The following FGF22 variants were observed in gnomAD, a reference collection of about 807,000 sequenced individuals.
FGF22 encodes the protein fibroblast growth factor 22, also known as FGF-22.
Under a neutral mutation model 10.3 loss-of-function variants are expected in FGF22, and 11 were observed. The observed-to-expected ratio is 1.07, with a 90% CI of 0.67 to 1.77. The LOEUF (loss-of-function observed/expected upper bound fraction) is 1.77, where lower values mean the gene tolerates loss of function less well. Ranked by LOEUF, FGF22 falls within the 40% of genes most tolerant of loss-of-function variation. The pLI is 0.00. For synonymous variants in FGF22, 136 were observed against 122.1 expected (o/e 1.11, Z -0.75); for missense variants, 317 against 273.2 (o/e 1.16, Z -1.13).
exon 1 of FGF22, chr19:639,973 G>C: frequency 1.6e-6 from 2 of 1,261,504 alleles, no homozygotes; most frequent in Middle Eastern, 3.1e-4. Flanking sequence ...TGCTGGCGCG[G>C]GCGCCGGACG....
At chr19:643,864 AG>A (rs938642063) in exon 3 of FGF22, 7 of 235,574 alleles carry the variant, frequency 3.0e-5, no homozygotes, top group African/African-American at 2.1e-4. Flanking sequence ...CGAAAGGTCG[AG>A]GGGGACGTCC....
intron 1 of FGF22, chr19:641,377 C>G (rs903706736): frequency 2.4e-6 from 1 of 420,990 alleles, no homozygotes; most frequent in African/African-American, 2.0e-5. Context: ...GAGATCGAGA[C>G]CATCCCGGCT....
At chr19:639,975 C>T in exon 1 of FGF22, 1 of 1,261,992 alleles carries the variant, frequency 7.9e-7, no homozygotes, top group Non-Finnish European at 9.9e-7. Context: ...CTGGCGCGGG[C>T]GCCGGACGCC....
At chr19:640,401 A>C in intron 1 of FGF22, 1 of 323,492 alleles carries the variant, frequency 3.1e-6, no homozygotes. Flanking sequence ...GGGGCCACCC[A>C]TCTGCAGGTG....
intron 1 of FGF22, chr19:641,682 G>T: frequency 5.3e-6 from 1 of 189,286 alleles, no homozygotes; most frequent in Non-Finnish European, 1.1e-5. Context: ...GGGAGGGGAG[G>T]TGCAGGGCGA....
chr19:643,238 T>A, exon 2 of FGF22: 1 of 1,607,288 alleles, frequency 6.2e-7, no homozygotes, highest in South Asian at 1.1e-5. Flanking sequence ...CCCCCAGGCA[T>A]CCTGGAGATC....
At chr19:640,305 G>A (rs1282578044) in intron 1 of FGF22, 166 bp downstream of exon 1, 8 of 425,688 alleles carry the variant, frequency 1.9e-5, no homozygotes, top group Non-Finnish European at 2.8e-5. Context: ...CTGCCTGGTG[G>A]GAGGGTTGCA....
At chr19:641,394 G>A (rs1985895942) in intron 1 of FGF22, 1 of 388,518 alleles carries the variant, frequency 2.6e-6, no homozygotes, top group Admixed American at 2.9e-5. Context: ...GGCTAACACG[G>A]TGAAACCCCG....
chr19:642,995 G>A (rs897475625), intron 1 of FGF22, among the ~76,000 whole-genome samples: 2 of 151,996 alleles, frequency 1.3e-5, no homozygotes, highest in African/African-American at 2.4e-5. Flanking sequence ...CGTGGGGGCC[G>A]TCCTGCTTCC....
chr19:639,994 C>A, exon 1 of FGF22: 1 of 1,300,228 alleles, frequency 7.7e-7, no homozygotes, highest in Non-Finnish European at 9.7e-7. Context: ...CCGCGGGAAC[C>A]CCGAGCGCGT....
At chr19:639,888 C>T in exon 1 of FGF22, 3 of 1,180,188 alleles carry the variant, frequency 2.5e-6, no homozygotes, top group Non-Finnish European at 3.1e-6. Flanking sequence ...CGCGGACGCC[C>T]GGGAGCGACG....
intron 1 of FGF22, chr19:641,574 C>CAAAA (rs68071125): frequency 5.3e-5 from 5 of 94,642 alleles, no homozygotes; most frequent in East Asian, 2.8e-4. Flanking sequence ...GACTCCGTCT[C>CAAAA]AAAAAAAAAA....
At chr19:642,046 G>A (rs1274982225) in intron 1 of FGF22, among the ~76,000 whole-genome samples, 1 of 152,214 alleles carries the variant, frequency 6.6e-6, no homozygotes, top group South Asian at 2.1e-4. Context: ...GTGGGCTGCT[G>A]AGCGGGCTTG....
In FGF22 at chr19:643,433, G is replaced by T. The variant is rs1405224576; in HGVS notation, c.342G>T (p.Arg114Ser). Residue 114 changes from arginine (R) to serine (S), a missense_variant, in exon 3 of 3, where the codon AGG becomes AGT. Transcript: ENST00000215530. ...AGCGACTCTACACCGTGGACTGCAGGTTCCGGGAGCGCATCGAAGAGAACG... is the reference window on the plus strand; with the variant it reads ...AGCGACTCTACACCGTGGACTGCAGTTTCCGGGAGCGCATCGAAGAGAACG... 2.5e-6 allele frequency: 4 copies of T among 1,611,432 alleles called. No individual in the cohort carries two copies. In the Admixed American group the frequency reaches 6.7e-5, roughly 27 times the overall value.
intron 1 of FGF22, chr19:640,351 CAG>C (rs1985861474): frequency 5.3e-6 from 2 of 377,408 alleles, no homozygotes; most frequent in East Asian, 3.9e-5. Context: ...GGACCCGGCT[CAG>C]GGGCAGAGAA....
chr19:644,307 C>G (rs1183599079), exon 3 of FGF22: 1 of 152,334 alleles, frequency 6.6e-6, no homozygotes, highest in Non-Finnish European at 1.5e-5. Flanking sequence ...TTGATATGAG[C>G]CCAGTGGGAC....
At chr19:640,302 G>A (rs970005667) in intron 1 of FGF22, 163 bp downstream of exon 1, 4 of 429,932 alleles carry the variant, frequency 9.3e-6, no homozygotes, top group African/African-American at 2.1e-5. Context: ...AGCCTGCCTG[G>A]TGGGAGGGTT....
chr19:643,577 C>T (rs1385665352), exon 3 of FGF22: 1 of 1,559,764 alleles, frequency 6.4e-7, no homozygotes, highest in Non-Finnish European at 8.6e-7. Flanking sequence ...ACCTGTCCGC[C>T]CACTTCCTGC....
intron 1 of FGF22, among the ~76,000 whole-genome samples, chr19:642,797 C>T (rs910616565): frequency 2.6e-5 from 4 of 152,004 alleles, no homozygotes; most frequent in Non-Finnish European, 5.9e-5. Flanking sequence ...CTTCTGACTC[C>T]CACATCCCAG....
Sources: gnomAD v4.1 joint callset for allele counts (sites outside exome capture counted in the v4.1 genomes callset) on GRCh38, gnomAD v4.1.1 for gene constraint, MANE v1.5 for transcripts, NCBI Gene and HGNC (gene_info 2026-07-23, HGNC 2026-07-21) for gene names.